Variants in CNTNAP2 observed in about 807,000 individuals in gnomAD.
The protein encoded by CNTNAP2 is contactin-associated protein-like 2.
In CNTNAP2, 98 loss-of-function variants were observed where a neutral mutation model predicts 155.2. The observed-to-expected ratio is 0.63, with a 90% CI of 0.54 to 0.75. CNTNAP2 has a LOEUF of 0.75. Ranked by LOEUF, CNTNAP2 falls within the 30% of genes least tolerant of loss-of-function variation. The pLI is 0.00. For missense variants in CNTNAP2, 1,727 were observed against 1,688.1 expected, an observed-to-expected ratio of 1.02 and a Z score of -0.40; for synonymous variants, 651 against 631.2, an observed-to-expected ratio of 1.03 and a Z score of -0.47.
In CNTNAP2 at chr7:146,668,212, G is replaced by T. The variant is rs368701171; in HGVS notation, c.98-106059G>T. ...TTACATTGTATTAAATGTTTTTTCT[G>T]AATCTATCAAAATGATTGTATTTTT... is the stretch of plus-strand genomic sequence containing the variant. On this transcript the variant is annotated intron_variant, in intron 1 of 23. Coordinates refer to ENST00000361727, the MANE Select transcript of CNTNAP2 (RefSeq NM_014141.6). Among the ~76,000 whole-genome samples the T allele has an allele frequency of 5.3e-5, 8 of 151,946 alleles. No individual in the cohort carries two copies. In the South Asian group the frequency reaches 1.5e-3, roughly 28 times the overall value.
intron 1 of CNTNAP2, among the ~76,000 whole-genome samples, chr7:146,349,015 T>A (rs763854818): frequency 6.6e-6 from 1 of 152,168 alleles, no homozygotes; most frequent in Non-Finnish European, 1.5e-5. Flanking sequence ...ATAGCTGAGC[T>A]TAAAATCAGA....
chr7:148,208,139 G>C (rs893761937), intron 18 of CNTNAP2, among the ~76,000 whole-genome samples: 3 of 151,748 alleles, frequency 2.0e-5, no homozygotes, highest in Admixed American at 1.3e-4. Flanking sequence ...AAACCCAAGT[G>C]CCTGAACCAG....
chr7:147,466,895 G>A (rs1798130079), intron 10 of CNTNAP2, among the ~76,000 whole-genome samples: 1 of 152,128 alleles, frequency 6.6e-6, no homozygotes, highest in East Asian at 1.9e-4. Context: ...CTCCAGCCTG[G>A]GTGACAAGAG....
chr7:146,701,005 A>T (rs936875866), intron 1 of CNTNAP2, among the ~76,000 whole-genome samples: 2 of 151,850 alleles, frequency 1.3e-5, no homozygotes, highest in African/African-American at 4.8e-5. Flanking sequence ...TTTAGGTTCT[A>T]TTTAATATTA....
At chr7:146,536,012 G>A (rs1442372699) in intron 1 of CNTNAP2, among the ~76,000 whole-genome samples, 1 of 152,080 alleles carries the variant, frequency 6.6e-6, no homozygotes, top group Non-Finnish European at 1.5e-5. Context: ...AGCAAGGTAA[G>A]TATTGTGCTG....
At chr7:146,830,641 C>T (rs1016268258) in intron 2 of CNTNAP2, among the ~76,000 whole-genome samples, 71 of 152,090 alleles carry the variant, frequency 4.7e-4, no homozygotes, top group African/African-American at 1.7e-3. Context: ...ATTGATAATG[C>T]GTTTCTTCAA....
At chr7:146,531,843 C>T (rs1797775156) in intron 1 of CNTNAP2, among the ~76,000 whole-genome samples, 1 of 152,022 alleles carries the variant, frequency 6.6e-6, no homozygotes, top group African/African-American at 2.4e-5. Flanking sequence ...CCATGCCGGC[C>T]CTATAGCTTG....
chr7:147,689,485 G>T (rs897018097), intron 13 of CNTNAP2, among the ~76,000 whole-genome samples: 3 of 152,128 alleles, frequency 2.0e-5, no homozygotes, highest in African/African-American at 4.8e-5. Context: ...TATAATTAAA[G>T]AAATCATTCT....
intron 1 of CNTNAP2, among the ~76,000 whole-genome samples, chr7:146,588,648 C>T (rs990959597): frequency 2.2e-4 from 33 of 151,974 alleles, no homozygotes; most frequent in African/African-American, 7.0e-4. Context: ...GCTGGGACTA[C>T]GAGTGTATGC....
At chr7:147,476,950 G>C (rs1420041984) in intron 10 of CNTNAP2, among the ~76,000 whole-genome samples, 3 of 143,720 alleles carry the variant, frequency 2.1e-5, no homozygotes, top group Admixed American at 2.1e-4. Flanking sequence ...AAAAAAAAAA[G>C]ATACAGCAGG....
At chr7:146,306,062 G>T (rs184241800) in intron 1 of CNTNAP2, among the ~76,000 whole-genome samples, 9 of 152,048 alleles carry the variant, frequency 5.9e-5, no homozygotes, top group Non-Finnish European at 1.2e-4. Context: ...TTATAAAGGC[G>T]ATATCACCAC....
At chr7:148,205,380 A>G (rs1795433842) in intron 18 of CNTNAP2, among the ~76,000 whole-genome samples, 1 of 152,260 alleles carries the variant, frequency 6.6e-6, no homozygotes, top group African/African-American at 2.4e-5. Context: ...GCAAACTGTG[A>G]AGTTAGCAGC....
intron 3 of CNTNAP2, among the ~76,000 whole-genome samples, chr7:146,914,119 T>A (rs934620987): frequency 2.6e-5 from 4 of 152,210 alleles, no homozygotes; most frequent in South Asian, 2.1e-4. Flanking sequence ...AATGTTTTTT[T>A]AAAACATTAT....
chr7:148,159,083 C>T (rs1047447146), intron 17 of CNTNAP2, among the ~76,000 whole-genome samples: 1 of 151,224 alleles, frequency 6.6e-6, no homozygotes, highest in Non-Finnish European at 1.5e-5. Context: ...CCATCAGACG[C>T]TTCCCTCTCA....
chr7:147,244,366 T>C (rs1804009343), intron 8 of CNTNAP2, among the ~76,000 whole-genome samples: 1 of 152,230 alleles, frequency 6.6e-6, no homozygotes, highest in Non-Finnish European at 1.5e-5. Flanking sequence ...GGAGTAGACT[T>C]TACTAAGCAC....
At chr7:147,809,031 A>G (rs981818885) in intron 13 of CNTNAP2, among the ~76,000 whole-genome samples, 7 of 151,866 alleles carry the variant, frequency 4.6e-5, no homozygotes, top group Non-Finnish European at 1.0e-4. Context: ...AGAGGTTCTC[A>G]GCCAACCAGG....
chr7:147,060,349 A>C (rs1464508156), intron 4 of CNTNAP2, among the ~76,000 whole-genome samples: 1 of 152,218 alleles, frequency 6.6e-6, no homozygotes, highest in Non-Finnish European at 1.5e-5. Context: ...AACAACAACA[A>C]AAATATGTAT....
At chr7:146,446,157 C>T (rs1639461) in intron 1 of CNTNAP2, among the ~76,000 whole-genome samples, 5,430 of 152,100 alleles carry the variant, frequency 0.036, 345 homozygotes, top group African/African-American at 0.12. Flanking sequence ...AATCAAGAGG[C>T]TACATAAATG....
intron 12 of CNTNAP2, among the ~76,000 whole-genome samples, chr7:147,584,536 A>T (rs1399090009): frequency 6.6e-6 from 1 of 152,202 alleles, no homozygotes; most frequent in African/African-American, 2.4e-5. Flanking sequence ...TTGATTCATG[A>T]AGTATGATGA....
Sources: gnomAD v4.1 joint callset for allele counts (sites outside exome capture counted in the v4.1 genomes callset) on GRCh38, gnomAD v4.1.1 for gene constraint, MANE v1.5 for transcripts, NCBI Gene and HGNC (gene_info 2026-07-23, HGNC 2026-07-21) for gene names.